Variants in DNMT3A observed in about 807,000 individuals in gnomAD.
DNMT3A encodes DNA (cytosine-5)-methyltransferase 3A.
Under a neutral mutation model 117.6 loss-of-function variants are expected in DNMT3A, and 267 were observed. That is an observed-to-expected ratio of 2.27 (90% CI 2.05 to 2.51). The LOEUF (loss-of-function observed/expected upper bound fraction) is 2.51, where lower values mean the gene tolerates loss of function less well. Ranked by LOEUF, DNMT3A falls within the 30% of genes most tolerant of loss-of-function variation. DNMT3A has a pLI of 0.00. For synonymous variants in DNMT3A, 432 were observed against 474.8 expected (o/e 0.91, Z 1.17); for missense variants, 1,029 against 1,260.2 (o/e 0.82, Z 2.78).
At chr2:25,275,685 T>A in intron 4 of DNMT3A, 142 bp from the exon 5 acceptor site, 2 of 885,952 alleles carry the variant, frequency 2.3e-6, no homozygotes, top group Non-Finnish European at 3.3e-6. Context: ...GTGTTAAATA[T>A]GATGGCCCAC....
chr2:25,333,720 CA>C (rs2035101195), intron 1 of DNMT3A, among the ~76,000 whole-genome samples: 1 of 152,314 alleles, frequency 6.6e-6, no homozygotes, highest in Non-Finnish European at 1.5e-5. Flanking sequence ...GAACAACCCC[CA>C]CGTAAAGAAA....
chr2:25,315,501 C>T (rs1296724709), intron 1 of DNMT3A, among the ~76,000 whole-genome samples: 1 of 152,220 alleles, frequency 6.6e-6, no homozygotes, highest in Non-Finnish European at 1.5e-5. Flanking sequence ...AGGCACAGCG[C>T]AGTGCTGGGC....
intron 1 of DNMT3A, among the ~76,000 whole-genome samples, chr2:25,341,398 G>A (rs976258264): frequency 6.9e-6 from 1 of 145,714 alleles, no homozygotes; most frequent in Admixed American, 6.8e-5. Flanking sequence ...GGGCCGCGGG[G>A]CTGGGGCAGA....
Position 25,282,834 on chromosome 2 carries a change from A to G in DNMT3A, c.178-123T>C. On this transcript the variant is annotated intron_variant, in intron 3 of 22. Coordinates refer to ENST00000321117, the MANE Select transcript of DNMT3A (RefSeq NM_022552.5). The surrounding 1 kb of genome is among the most constrained non-coding windows in gnomAD (Gnocchi z 5.2). Reference sequence around the variant, plus strand: ...CACTTTCTGTCCAGAAACTGTGTTCATATAAACCTTCATGCAAACAGATAC... The same window carrying G: ...CACTTTCTGTCCAGAAACTGTGTTCGTATAAACCTTCATGCAAACAGATAC... 8.1e-7 allele frequency: 1 copy of G among 1,238,308 alleles called. No homozygotes were observed. The highest frequency in any genetic ancestry group is 1.1e-6 in the Non-Finnish European group (1 of 922,754). The allele number at this position is 1,238,308 out of a possible 1,614,324, so 76.7% of individuals were successfully genotyped here.
At chr2:25,288,208 G>A (rs1294838656) in intron 3 of DNMT3A, among the ~76,000 whole-genome samples, 1 of 148,744 alleles carries the variant, frequency 6.7e-6, no homozygotes, top group Admixed American at 6.6e-5. Flanking sequence ...GCTGAGGCGG[G>A]TGGATCATGA....
chr2:25,269,555 A>C (rs1007186390), intron 6 of DNMT3A, among the ~76,000 whole-genome samples: 3 of 152,148 alleles, frequency 2.0e-5, no homozygotes, highest in Admixed American at 6.5e-5. Context: ...CTGTAGTGAA[A>C]GTGGGGTGGG....
At position 25,337,627 on chromosome 2, in the gene DNMT3A, G is replaced by A. The variant is rs1475317174; in HGVS notation, c.-178+4199C>T. On this transcript the variant is annotated intron_variant, in intron 1 of 22. Coordinates refer to ENST00000321117, the MANE Select transcript of DNMT3A (RefSeq NM_022552.5). This position sits in a 1 kb window ranked among gnomAD's most constrained non-coding sequence, Gnocchi z 5.0. ...AGCAAGTCCTACCCATCCACAGGTG[G>A]CGGCACACCACGTACACACACATCA... is the stretch of plus-strand genomic sequence containing the variant. 6.6e-6 allele frequency among the ~76,000 whole-genome samples: 1 copy of A among 152,180 alleles called. No individual in the cohort carries two copies. Among genetic ancestry groups the A allele is most frequent in the Non-Finnish European group, 1.5e-5 (1 of 68,032 alleles).
rs1433353413 is a variant in DNMT3A at position 25,240,397 on chromosome 2, G to A, written c.2227C>T (p.Pro743Ser). 1.9e-6 allele frequency: 3 copies of A among 1,613,858 alleles called. No individual in the cohort carries two copies. The highest frequency in any genetic ancestry group is 2.5e-6 in the Non-Finnish European group (3 of 1,179,916). Residue 743 changes from proline (P) to serine (S), a missense_variant, in exon 19 of 23, where the codon CCC (proline) becomes TCC (serine). Physicochemically the swap from Pro to Ser is moderately conservative, Grantham distance 74. Transcript: ENST00000321117. ...AAGGGGCGATCATCTCCCTCCTTGG[G>A]CCGCGCATCATGCAGGAGGCGGTAG... is the stretch of plus-strand genomic sequence containing the variant. The part of the protein sequence containing the change: ...EFYRLLHDAR[P>S]KEGDDRPFFW...
chr2:25,249,512 A>G, intron 6 of DNMT3A: 5 of 923,128 alleles, frequency 5.4e-6, no homozygotes, highest in Non-Finnish European at 8.6e-6. Flanking sequence ...TTCTATGTGC[A>G]CCCTTCAGAT....
chr2:25,269,208 G>A (rs1397239593), intron 6 of DNMT3A, among the ~76,000 whole-genome samples: 1 of 152,202 alleles, frequency 6.6e-6, no homozygotes. Flanking sequence ...TGTAATTCCA[G>A]CTACTGGGAA....
chr2:25,245,155 G>T (rs1674589253), intron 13 of DNMT3A, 98 bp downstream of exon 13: 1 of 1,150,194 alleles, frequency 8.7e-7, no homozygotes, highest in African/African-American at 1.5e-5. Context: ...CGCACACCGG[G>T]TGTCACCCTG....
Position 25,308,159 on chromosome 2 carries a change from TGTAGGTAG to T in DNMT3A, c.72+5746_72+5753del, listed in dbSNP as rs370052940. ...CGGCAGTGGGTGTAAACCACAAAGG[TGTAGGTAG>T]GTAGGTAGGTAGGCAGGTAGGTGGG... is the stretch of plus-strand genomic sequence containing the variant. On this transcript the variant is annotated intron_variant, in intron 2 of 22. Transcript: ENST00000321117. Among the ~76,000 whole-genome samples, 226 of 152,062 alleles carry T rather than the reference TGTAGGTAG, an allele frequency of 1.5e-3. 1 individual carries two copies. Among genetic ancestry groups the T allele is most frequent in the African/African-American group, 5.0e-3 (208 of 41,462 alleles).
At chr2:25,265,834 A>G (rs977437367) in intron 6 of DNMT3A, among the ~76,000 whole-genome samples, 1 of 151,478 alleles carries the variant, frequency 6.6e-6, no homozygotes, top group Non-Finnish European at 1.5e-5. Context: ...AAAAAAAAAG[A>G]CATTAAATGC....
At chr2:25,302,023 T>C (rs2033547587) in intron 2 of DNMT3A, among the ~76,000 whole-genome samples, 1 of 152,192 alleles carries the variant, frequency 6.6e-6, no homozygotes, top group Non-Finnish European at 1.5e-5. Context: ...AGAGCATCCC[T>C]GGCCCCTCCA....
chr2:25,247,017 G>T lies in DNMT3A; in HGVS notation c.1122+34C>A, dbSNP rs201699997. On this transcript the variant is annotated intron_variant, in intron 9 of 22. Coordinates refer to ENST00000321117, the MANE Select transcript of DNMT3A (RefSeq NM_022552.5). The surrounding 1 kb of genome is among the most constrained non-coding windows in gnomAD (Gnocchi z 5.6). ...ACTTCCAGGCCTCCTAGTGCTCTAG[G>T]CTCCTCCTCCGAGCTCCCAGCAGGG... The T allele has an allele frequency of 1.1e-4, 174 of 1,602,004 alleles. No homozygotes were observed. Among genetic ancestry groups the T allele is most frequent in the Middle Eastern group, 6.6e-4 (4 of 6,036 alleles).
chr2:25,279,171 CG>C (rs1354372293), intron 4 of DNMT3A, among the ~76,000 whole-genome samples: 1 of 152,170 alleles, frequency 6.6e-6, no homozygotes, highest in Non-Finnish European at 1.5e-5. Flanking sequence ...ACAGGCCTGT[CG>C]GGTGTTGGCT....
chr2:25,258,198 T>C (rs945268527), intron 6 of DNMT3A, among the ~76,000 whole-genome samples: 2 of 152,202 alleles, frequency 1.3e-5, no homozygotes, highest in African/African-American at 4.8e-5. Context: ...GAGAAATCCA[T>C]CCTCCTGAAG....
In DNMT3A at chr2:25,246,323, G is replaced by C; in HGVS notation, c.1280-14C>G. The C allele has an allele frequency of 6.3e-7, 1 of 1,589,986 alleles. No homozygotes were observed. Among genetic ancestry groups the C allele is most frequent in the Non-Finnish European group, 8.6e-7 (1 of 1,166,550 alleles). The stretch of plus-strand genomic sequence containing the variant: ...GATTCTTCTCTTCTGGAGGAGGAAA[G>C]CAGGTGCCAAGGTCAGTTACAGGCT... On this transcript the variant is annotated splice_polypyrimidine_tract_variant and intron_variant, in intron 10 of 22. Transcript: ENST00000321117.
rs1558657125 is a variant in DNMT3A at position 25,239,152 on chromosome 2, C to G, written c.2386G>C (p.Gly796Arg). 2 of 1,613,916 alleles carry G rather than the reference C, an allele frequency of 1.2e-6. No individual in the cohort carries two copies. Among genetic ancestry groups the G allele is most frequent in the Non-Finnish European group, 1.7e-6 (2 of 1,179,958 alleles). Residue 796 changes from glycine to arginine, a missense_variant, in exon 20 of 23, where the codon GGT (glycine) becomes CGT (arginine). By Grantham distance (125) the Gly-to-Arg change is moderately radical. Coordinates refer to ENST00000321117, the MANE Select transcript of DNMT3A (RefSeq NM_022552.5). ...AACCTGTTCATACCGGGAAGGTTAC[C>G]CCAGAAGTAGCGGGCCCTGTGTGCA... ...SAAHRARYFW[G>R]NLPGMNRPLA...
Sources: gnomAD v4.1 joint callset for allele counts (sites outside exome capture counted in the v4.1 genomes callset) on GRCh38, gnomAD v4.1.1 for gene constraint, Gnocchi (gnomAD v3.1) non-coding constraint, MANE v1.5 for transcripts, NCBI Gene and HGNC (gene_info 2026-07-23, HGNC 2026-07-21) for gene names.